The following PTPA variants were observed in gnomAD, a reference collection of about 807,000 sequenced individuals.
The protein encoded by PTPA is protein phosphatase 2 phosphatase activator, also known as serine/threonine-protein phosphatase 2A activator.
In PTPA, 13 loss-of-function variants were observed where a neutral mutation model predicts 43.6. That is an observed-to-expected ratio of 0.30 (90% confidence interval 0.19 to 0.47). PTPA has a LOEUF of 0.47. Ranked by LOEUF, PTPA falls within the 20% of genes least tolerant of loss-of-function variation. The pLI is 0.99. For synonymous variants in PTPA, 172 were observed against 158.2 expected (o/e 1.09, Z -0.66); for missense variants, 329 against 411.9 (o/e 0.80, Z 1.74).
In PTPA at chr9:129,136,570, C is replaced by T. The variant is rs1307826568; in HGVS notation, c.660C>T (p.Phe220=). Residue 220 remains phenylalanine, a synonymous_variant, in exon 7 of 10, where the codon TTC becomes TTT. Transcript: ENST00000393370. ...WGLDDFQFLP[F]IWGSSQLIDH... ...TGGATGACTTCCAGTTTCTGCCCTT[C>T]ATCTGGGGCAGTTCGCAGCTGATAG... is the stretch of plus-strand genomic sequence containing the variant. The T allele has an allele frequency of 6.2e-7, 1 of 1,613,558 alleles. No individual in the cohort carries two copies. Among genetic ancestry groups the T allele is most frequent in the Non-Finnish European group, 8.5e-7 (1 of 1,179,702 alleles).
intron 9 of PTPA, 118 bp from the exon 10 acceptor site, chr9:129,147,269 C>T (rs922562052): frequency 2.1e-6 from 2 of 956,480 alleles, no homozygotes; most frequent in African/African-American, 1.6e-5. Flanking sequence ...GGGGGATCCC[C>T]TGGCGGGGCT....
intron 1 of PTPA, 77 bp downstream of exon 1, chr9:129,111,708 C>T: frequency 1.6e-6 from 2 of 1,243,164 alleles, no homozygotes; most frequent in Non-Finnish European, 2.0e-6. Context: ...CTCAGGAGGG[C>T]GAGAGTCATG....
In PTPA at chr9:129,111,608, A is replaced by G; in HGVS notation, c.8A>G (p.Glu3Gly). 1.6e-6 allele frequency: 2 copies of G among 1,261,236 alleles called. No homozygotes were observed. Among genetic ancestry groups the G allele is most frequent in the Non-Finnish European group, 2.0e-6 (2 of 994,578 alleles). The allele number at this position is 1,261,236 out of a possible 1,614,324, so 78.1% of individuals were successfully genotyped here. Residue 3 changes from glutamate (E) to glycine (G), a missense_variant, in exon 1 of 10, where the codon GAG (glutamate) becomes GGG (glycine). Physicochemically the swap from Glu to Gly is moderately conservative, Grantham distance 98. Coordinates refer to ENST00000393370, the MANE Select transcript of PTPA (RefSeq NM_178000.3). MAEGERQPPPDSS... is the reference protein window; with the variant it reads MAGGERQPPPDSS... ...GCTCCTGGCCGGAGCAAGATGGCTG[A>G]GGGCGAGCGGCAGCCGCCGCCAGGT...
Position 129,137,674 on chromosome 9 carries a change from T to C in PTPA, c.768T>C (p.Cys256=). The C allele has an allele frequency of 8.1e-6, 13 of 1,607,964 alleles. No homozygotes were observed. Among genetic ancestry groups the C allele is most frequent in the Non-Finnish European group, 1.1e-5 (13 of 1,176,232 alleles). The change falls in exon 8 of 10, where the codon TGT becomes TGC. Residue 256 remains cysteine, a synonymous_variant. Coordinates refer to ENST00000393370, the MANE Select transcript of PTPA (RefSeq NM_178000.3). ...ACAAGGACTACATGTTCCTGGAGTG[T>C]ATCCTGTTTATTACCGAGGTGAGGA... The part of the protein sequence containing the change: ...ENHKDYMFLE[C]ILFITEMKTG...
chr9:129,123,793 C>G (rs1849407481), intron 3 of PTPA, among the ~76,000 whole-genome samples: 1 of 151,990 alleles, frequency 6.6e-6, no homozygotes, highest in Non-Finnish European at 1.5e-5. Context: ...AAGCGATTCT[C>G]CTGCCTCAGC....
intron 2 of PTPA, among the ~76,000 whole-genome samples, chr9:129,122,015 AAGAG>A (rs1013415053): frequency 4.7e-4 from 72 of 152,342 alleles, no homozygotes; most frequent in African/African-American, 1.6e-3. Flanking sequence ...GAAAGGAAGA[AAGAG>A]AGAGGAAAAA....
chr9:129,125,098 G>C (rs1003137353), intron 3 of PTPA, among the ~76,000 whole-genome samples: 3 of 152,100 alleles, frequency 2.0e-5, no homozygotes, highest in Non-Finnish European at 4.4e-5. Flanking sequence ...GGTTCCTCCT[G>C]GAGCCTGTGG....
chr9:129,136,475 C>G lies in PTPA; in HGVS notation c.565C>G (p.Leu189Val), dbSNP rs1423456611. 3.1e-6 allele frequency: 5 copies of G among 1,612,628 alleles called. No homozygotes were observed. The highest frequency in any genetic ancestry group is 4.2e-6 in the Non-Finnish European group (5 of 1,179,236). ...TTTCCCTGTCCTCCTGTGCAGGTAC[C>G]TTGAGGTTATGCGGAAACTCCAGAA... is the stretch of plus-strand genomic sequence containing the variant. ...AIVFKVFNRYLEVMRKLQKTY... is the reference protein window; with the variant it reads ...AIVFKVFNRYVEVMRKLQKTY... The change falls in exon 7 of 10, where the codon CTT becomes GTT. Residue 189 changes from leucine to valine, a missense_variant. Coordinates refer to ENST00000393370, the MANE Select transcript of PTPA (RefSeq NM_178000.3).
Position 129,142,431 on chromosome 9 carries a change from C to T in PTPA, c.787-14C>T, listed in dbSNP as rs1408320121. On this transcript the variant is annotated splice_polypyrimidine_tract_variant and intron_variant, in intron 8 of 9. Transcript: ENST00000393370. ...CAGAACCTGTCTCTTCAGCTTGTGG[C>T]TTCTCTTTTTCAGATGAAGACTGGC... is the stretch of plus-strand genomic sequence containing the variant. The T allele has an allele frequency of 2.6e-6, 4 of 1,555,142 alleles. No homozygotes were observed. Among genetic ancestry groups the T allele is most frequent in the Non-Finnish European group, 3.5e-6 (4 of 1,147,572 alleles).
At chr9:129,117,382 T>C (rs1848945604) in intron 1 of PTPA, among the ~76,000 whole-genome samples, 1 of 152,080 alleles carries the variant, frequency 6.6e-6, no homozygotes, top group Admixed American at 6.6e-5. Context: ...TGAAAATTTT[T>C]ATTATGTGGG....
chr9:129,120,696 T>C, intron 2 of PTPA, 86 bp downstream of exon 2: 1 of 1,191,542 alleles, frequency 8.4e-7, no homozygotes, highest in Non-Finnish European at 1.2e-6. Flanking sequence ...TCCTGGCCCT[T>C]CTTGCTCTTG....
chr9:129,120,896 C>T (rs1588492343), intron 2 of PTPA, among the ~76,000 whole-genome samples: 1 of 152,142 alleles, frequency 6.6e-6, no homozygotes, highest in East Asian at 1.9e-4. Context: ...GCTGTATTGG[C>T]TGAACATGAG....
In PTPA at chr9:129,115,695, A is replaced by G. The variant is rs377605176; in HGVS notation, c.31+4064A>G. 6.6e-5 allele frequency among the ~76,000 whole-genome samples: 10 copies of G among 151,600 alleles called. No homozygotes were observed. The South Asian group carries it at 2.1e-3, about 32-fold the overall frequency. On this transcript the variant is annotated intron_variant, in intron 1 of 9. Coordinates refer to ENST00000393370, the MANE Select transcript of PTPA (RefSeq NM_178000.3). ...ACTCTTGTTGCCCAGGCTGGAGTAC[A>G]GTGGCGTGATCTTGGCTCACTGTAA...
chr9:129,132,673 G>A (rs1265749091), intron 5 of PTPA, among the ~76,000 whole-genome samples: 1 of 152,206 alleles, frequency 6.6e-6, no homozygotes, highest in Non-Finnish European at 1.5e-5. Flanking sequence ...GGTAGAGACA[G>A]GGTTTCACCA....
chr9:129,146,752 G>T (rs1187575356), intron 9 of PTPA, among the ~76,000 whole-genome samples: 1 of 152,190 alleles, frequency 6.6e-6, no homozygotes, highest in Non-Finnish European at 1.5e-5. Flanking sequence ...CTCCAGCTCT[G>T]CTCCTCTGCT....
At position 129,120,462 on chromosome 9, in the gene PTPA, G is replaced by T. The variant is rs148301398; in HGVS notation, c.32-51G>T. 1,317 of 1,282,304 alleles carry T rather than the reference G, an allele frequency of 1.0e-3. 10 individuals carry two copies. In the African/African-American group the frequency reaches 0.017, roughly 17 times the overall value. 79.4% of individuals were successfully genotyped at this position (1,282,304 alleles called of 1,614,324 possible). On this transcript the variant is annotated intron_variant, in intron 1 of 9. Transcript: ENST00000393370. ...AAAGGTGAAAGGGAGTGTGTGTGTT[G>T]TAGGGGAGGATTCTATTTATCTGTT...
At chr9:129,114,151 C>T (rs1262265291) in intron 1 of PTPA, among the ~76,000 whole-genome samples, 1 of 152,098 alleles carries the variant, frequency 6.6e-6, no homozygotes, top group Non-Finnish European at 1.5e-5. Flanking sequence ...GCCTCAGCCT[C>T]CCGAGTTGCT....
At chr9:129,118,234 A>C (rs918705598) in intron 1 of PTPA, among the ~76,000 whole-genome samples, 3 of 150,322 alleles carry the variant, frequency 2.0e-5, no homozygotes, top group African/African-American at 7.4e-5. Flanking sequence ...TTGTATTTTT[A>C]GTAGAGATGG....
At chr9:129,112,637 T>A (rs766128370) in intron 1 of PTPA, among the ~76,000 whole-genome samples, 1 of 152,190 alleles carries the variant, frequency 6.6e-6, no homozygotes, top group Non-Finnish European at 1.5e-5. Flanking sequence ...TCTGGGTGTG[T>A]GCCCTTAGAA....
Sources: gnomAD v4.1 joint callset for allele counts (sites outside exome capture counted in the v4.1 genomes callset) on GRCh38, gnomAD v4.1.1 for gene constraint, MANE v1.5 for transcripts, NCBI Gene and HGNC (gene_info 2026-07-23, HGNC 2026-07-21) for gene names.